The following PHF14 variants were observed in gnomAD, a reference collection of about 807,000 sequenced individuals.
PHF14 encodes the protein PHD finger protein 14.
A neutral mutation model predicts 117.9 loss-of-function variants in PHF14; 55 were observed. That is an observed-to-expected ratio of 0.47 (90% confidence interval 0.38 to 0.58). PHF14 has a LOEUF of 0.58. PHF14 is among the 20% of genes least tolerant of loss of function. PHF14 has a pLI of 0.00. For missense variants in PHF14, 978 were observed against 1,122.2 expected (o/e 0.87, Z 1.84); for synonymous variants, 409 against 368.6 (o/e 1.11, Z -1.26).
chr7:11,037,856 T>C (rs1191965761), intron 10 of PHF14, among the ~76,000 whole-genome samples: 1 of 152,202 alleles, frequency 6.6e-6, no homozygotes, highest in Non-Finnish European at 1.5e-5. Context: ...GGATTCTTGC[T>C]AGTTCTGTGA....
intron 6 of PHF14, 110 bp from the exon 7 acceptor site, chr7:11,028,571 C>T: frequency 1.0e-6 from 1 of 977,322 alleles, no homozygotes; most frequent in Non-Finnish European, 1.5e-6. Context: ...ATAATTGGTT[C>T]ATTATTTGTA....
chr7:11,021,567 A>G (rs1251679783), intron 5 of PHF14, among the ~76,000 whole-genome samples: 1 of 152,188 alleles, frequency 6.6e-6, no homozygotes, highest in African/African-American at 2.4e-5. Flanking sequence ...GAAGGTCAGT[A>G]TGAAGCAAGC....
chr7:11,000,503 C>T (rs1170980345), intron 4 of PHF14, among the ~76,000 whole-genome samples: 2 of 151,500 alleles, frequency 1.3e-5, no homozygotes, highest in Non-Finnish European at 2.9e-5. Flanking sequence ...CTACACCTGA[C>T]TAATTTTTTA....
chr7:11,069,328 A>C (rs186261011), intron 16 of PHF14, among the ~76,000 whole-genome samples: 2 of 152,122 alleles, frequency 1.3e-5, no homozygotes, highest in African/African-American at 4.8e-5. Context: ...GGCTTCTGGA[A>C]GGGAGATGGG....
chr7:11,091,830 T>C (rs891027333), intron 16 of PHF14, among the ~76,000 whole-genome samples: 8 of 152,194 alleles, frequency 5.3e-5, no homozygotes, highest in African/African-American at 1.4e-4. Context: ...TAAACACTTA[T>C]TCTTTACCCC....
rs186680250 is a variant in PHF14 at position 11,138,107 on chromosome 7, C to G, written c.2772+26640C>G. On this transcript the variant is annotated intron_variant, in intron 17 of 17. Transcript: ENST00000634607. The stretch of plus-strand genomic sequence containing the variant: ...GCAGGCTGGAGTGCAGTGGCACGAT[C>G]TTGGCTCACTGCAGGCTCTGCCTCC... 5.2e-3 allele frequency among the ~76,000 whole-genome samples: 789 copies of G among 151,150 alleles called. 2 individuals are homozygous for G. Among genetic ancestry groups the G allele is most frequent in the Non-Finnish European group, 8.3e-3 (561 of 67,918 alleles).
chr7:11,067,083 A>T (rs1177692329), intron 16 of PHF14, among the ~76,000 whole-genome samples: 4 of 152,176 alleles, frequency 2.6e-5, no homozygotes, highest in Non-Finnish European at 4.4e-5. Context: ...CTGTTAAGGG[A>T]TTGAGAATAT....
chr7:11,065,577 T>C (rs1785396100), intron 16 of PHF14, among the ~76,000 whole-genome samples: 1 of 152,156 alleles, frequency 6.6e-6, no homozygotes, highest in South Asian at 2.1e-4. Context: ...AAAGGACAAT[T>C]GATTTTTTGT....
chr7:11,019,271 C>G (rs556816486), intron 5 of PHF14, among the ~76,000 whole-genome samples: 2 of 152,270 alleles, frequency 1.3e-5, no homozygotes, highest in Non-Finnish European at 2.9e-5. Flanking sequence ...GAAATATTCC[C>G]TCTTCCTCTG....
intron 6 of PHF14, among the ~76,000 whole-genome samples, chr7:11,026,581 A>G (rs1250216814): frequency 2.0e-5 from 3 of 152,202 alleles, no homozygotes; most frequent in African/African-American, 4.8e-5. Flanking sequence ...GTGGGCTTCT[A>G]TTGGCTGAAT....
chr7:11,071,839 T>C (rs1435314557), intron 16 of PHF14, among the ~76,000 whole-genome samples: 3 of 152,222 alleles, frequency 2.0e-5, no homozygotes, highest in Admixed American at 6.5e-5. Flanking sequence ...AAAGTGACTC[T>C]CATATGAAAA....
chr7:11,106,522 G>A lies in PHF14; in HGVS notation c.2655-4828G>A, dbSNP rs979058693. The A allele has an allele frequency of 4.1e-6, 4 of 968,032 alleles. No homozygotes were observed. The African/African-American group carries it at 5.3e-5, about 13-fold the overall frequency. 60.0% of individuals were successfully genotyped at this position (968,032 alleles called of 1,614,324 possible). A position where few individuals can be genotyped will look rare whatever the true frequency, so the allele number is the denominator to read the frequency against. On this transcript the variant is annotated intron_variant, in intron 16 of 17. Coordinates refer to ENST00000634607, the MANE Select transcript of PHF14 (RefSeq NM_001007157.2). ...TGATACTAAATGTTATTCCGTATTGGTAGAATGCAGAATTTTGTGCAAGCT... is the reference window on the plus strand; with the variant it reads ...TGATACTAAATGTTATTCCGTATTGATAGAATGCAGAATTTTGTGCAAGCT...
chr7:11,168,726 C>A (rs1583520451), intron 17 of PHF14, among the ~76,000 whole-genome samples: 1 of 152,076 alleles, frequency 6.6e-6, no homozygotes. Context: ...AGATGGGTTA[C>A]AAATTGTAAG....
intron 16 of PHF14, among the ~76,000 whole-genome samples, chr7:11,079,091 T>G (rs1400086019): frequency 6.6e-6 from 1 of 152,206 alleles, no homozygotes; most frequent in African/African-American, 2.4e-5. Flanking sequence ...ATTAAGGTTA[T>G]CAGTTTTTGA....
At chr7:11,097,189 G>A (rs1308321403) in intron 16 of PHF14, among the ~76,000 whole-genome samples, 1 of 151,812 alleles carries the variant, frequency 6.6e-6, no homozygotes, top group Non-Finnish European at 1.5e-5. Context: ...ATGTTGGTCC[G>A]GCTGGTCTCG....
chr7:11,009,344 C>T (rs948591611), intron 4 of PHF14, among the ~76,000 whole-genome samples: 5 of 152,072 alleles, frequency 3.3e-5, no homozygotes, highest in African/African-American at 1.2e-4. Context: ...TACCTTTGTA[C>T]AACTCAAAAC....
chr7:11,135,622 C>A (rs575269116), intron 17 of PHF14, among the ~76,000 whole-genome samples: 1 of 152,078 alleles, frequency 6.6e-6, no homozygotes, highest in African/African-American at 2.4e-5. Flanking sequence ...CATTGAAACT[C>A]CATCTTTGTT....
chr7:11,007,236 C>T (rs1783149778), intron 4 of PHF14, among the ~76,000 whole-genome samples: 1 of 151,918 alleles, frequency 6.6e-6, no homozygotes, highest in Non-Finnish European at 1.5e-5. Flanking sequence ...TTATTAGGTT[C>T]TCTTTTTTTC....
intron 16 of PHF14, among the ~76,000 whole-genome samples, chr7:11,087,826 A>G (rs1441754356): frequency 6.6e-6 from 1 of 152,202 alleles, no homozygotes; most frequent in East Asian, 1.9e-4. Flanking sequence ...GAAATATGCA[A>G]TAAGAAATAA....
Sources: gnomAD v4.1 joint callset for allele counts (sites outside exome capture counted in the v4.1 genomes callset) on GRCh38, gnomAD v4.1.1 for gene constraint, MANE v1.5 for transcripts, NCBI Gene and HGNC (gene_info 2026-07-23, HGNC 2026-07-21) for gene names.